Variants in ASPHD2 observed in about 807,000 individuals in gnomAD.
The protein encoded by ASPHD2 is aspartate beta-hydroxylase domain containing 2.
Under a neutral mutation model 34.6 loss-of-function variants are expected in ASPHD2, and 12 were observed. That is an observed-to-expected ratio of 0.35 (90% CI 0.22 to 0.56). The LOEUF (loss-of-function observed/expected upper bound fraction) is 0.56, where lower values mean the gene tolerates loss of function less well. Ranked by LOEUF, ASPHD2 falls within the 20% of genes least tolerant of loss-of-function variation. ASPHD2 has a pLI of 0.87. For synonymous variants in ASPHD2, 224 were observed against 212.2 expected (o/e 1.06, Z -0.48); for missense variants, 375 against 505.0 (o/e 0.74, Z 2.47).
At chr22:26,441,518 T>G (rs1601705667) in intron 2 of ASPHD2, among the ~76,000 whole-genome samples, 1 of 142,272 alleles carries the variant, frequency 7.0e-6, no homozygotes, top group South Asian at 2.3e-4. Context: ...GGCCAGGTGC[T>G]GTGGCTCATG....
In ASPHD2 at chr22:26,442,324, A is replaced by G. The variant is rs1421325794; in HGVS notation, c.887-135A>G. ...AGCCCACAAGCCTTCAGACCATAGC[A>G]CGGGCTCCAGAGGTGTGAGGCAGGT... is the stretch of plus-strand genomic sequence containing the variant. On this transcript the variant is annotated intron_variant, in intron 2 of 3. Coordinates refer to ENST00000215906, the MANE Select transcript of ASPHD2 (RefSeq NM_020437.5). 4.7e-6 allele frequency: 3 copies of G among 644,090 alleles called. No individual in the cohort carries two copies. In the African/African-American group the frequency reaches 5.5e-5, roughly 12 times the overall value. The allele number at this position is 644,090 out of a possible 1,614,324, so 39.9% of individuals were successfully genotyped here.
chr22:26,438,526 CATACATATAT>C (rs2084810701), intron 2 of ASPHD2, among the ~76,000 whole-genome samples: 1 of 145,526 alleles, frequency 6.9e-6, no homozygotes, highest in South Asian at 2.2e-4. Context: ...CATATATATA[CATACATATAT>C]ACACATACAT....
At position 26,432,323 on chromosome 22, in the gene ASPHD2, C is replaced by T. The variant is rs73419327; in HGVS notation, c.-224-1069C>T. 4.7e-3 allele frequency among the ~76,000 whole-genome samples: 711 copies of T among 152,312 alleles called. 3 individuals carry two copies. Among genetic ancestry groups the T allele is most frequent in the African/African-American group, 0.017 (686 of 41,560 alleles). On this transcript the variant is annotated intron_variant, in intron 1 of 3. Transcript: ENST00000215906. ...AAGAATTTTCAGGCCAAATTTCAGT[C>T]CCTGGGTAAAGGGAGGGTACAACTT...
Position 26,434,091 on chromosome 22 carries a change from G to C in ASPHD2, c.476G>C (p.Arg159Pro). ...IREQGRYLNS[R>P]PSIQKPEVFF... ...GAGCAGGGCCGGTACCTCAACAGCC[G>C]GCCCTCCATCCAGAAGCCCGAGGTC... Residue 159 changes from arginine to proline, a missense_variant, in exon 2 of 4, where the codon CGG (arginine) becomes CCG (proline). Arg to Pro is a moderately radical substitution (Grantham distance 103). Transcript: ENST00000215906. 2.5e-6 allele frequency: 4 copies of C among 1,612,980 alleles called. No individual in the cohort carries two copies. The highest frequency in any genetic ancestry group is 3.4e-6 in the Non-Finnish European group (4 of 1,179,726).
At chr22:26,438,496 C>CACACACATATATAT (rs2084808690) in intron 2 of ASPHD2, among the ~76,000 whole-genome samples, 5 of 88,390 alleles carry the variant, frequency 5.7e-5, no homozygotes, top group South Asian at 3.4e-4. Flanking sequence ...TATAGATACA[C>CACACACATATATAT]ACATACATAT....
At position 26,442,105 on chromosome 22, in the gene ASPHD2, CAAA is replaced by C. The variant is rs61233112; in HGVS notation, c.887-337_887-335del. Among the ~76,000 whole-genome samples the C allele has an allele frequency of 6.1e-3, 596 of 98,144 alleles. 1 individual carries two copies. The highest frequency in any genetic ancestry group is 0.018 in the African/African-American group (469 of 26,718). The allele number at this position is 98,144 out of a possible 152,430, so 64.4% of individuals were successfully genotyped here. ...TGGGCAACAGAGAGAGACTCCATTT[CAAA>C]AAAAAAAAAAAAAAAAGGGAAAAGA... On this transcript the variant is annotated intron_variant, in intron 2 of 3. Coordinates refer to ENST00000215906, the MANE Select transcript of ASPHD2 (RefSeq NM_020437.5).
rs199744022 is a variant in ASPHD2, at chr22:26,434,421, C to T, written c.806C>T (p.Ala269Val). The T allele has an allele frequency of 2.5e-6, 4 of 1,614,114 alleles. No individual in the cohort carries two copies. In the South Asian group the frequency reaches 4.4e-5, roughly 18 times the overall value. The part of the protein sequence containing the change: ...TCIGNNVFGN[A>V]CISVLSPGTV... ...ATTGGGAACAATGTTTTTGGGAACG[C>T]GTGCATCTCTGTGCTGAGCCCTGGG... is the stretch of plus-strand genomic sequence containing the variant. Residue 269 changes from alanine to valine, a missense_variant, in exon 2 of 4, where the codon GCG (alanine) becomes GTG (valine). Ala to Val is a moderately conservative substitution (Grantham distance 64, BLOSUM62 0). Transcript: ENST00000215906.
At chr22:26,434,790 CAT>C (rs1292713124) in intron 2 of ASPHD2, among the ~76,000 whole-genome samples, 7 of 152,218 alleles carry the variant, frequency 4.6e-5, no homozygotes, top group South Asian at 2.1e-4. Flanking sequence ...CCACTAGACA[CAT>C]GTGACTAATT....
chr22:26,441,860 T>C (rs192022451), intron 2 of ASPHD2, among the ~76,000 whole-genome samples: 113 of 151,930 alleles, frequency 7.4e-4, no homozygotes, highest in African/African-American at 2.4e-3. Context: ...GTGGCAGAGG[T>C]TCCAGTGAGC....
intron 2 of ASPHD2, among the ~76,000 whole-genome samples, chr22:26,439,112 A>C (rs558900652): frequency 4.7e-4 from 72 of 152,268 alleles, no homozygotes; most frequent in African/African-American, 1.4e-3. Flanking sequence ...GAAAATCAGC[A>C]ATCAGGCCAG....
intron 2 of ASPHD2, among the ~76,000 whole-genome samples, chr22:26,435,856 T>G (rs1437465335): frequency 6.6e-6 from 1 of 152,174 alleles, no homozygotes; most frequent in African/African-American, 2.4e-5. Flanking sequence ...CCTGAATTCC[T>G]GGTCAGCAGT....
chr22:26,440,953 C>T (rs1211068717), intron 2 of ASPHD2, among the ~76,000 whole-genome samples: 1 of 152,200 alleles, frequency 6.6e-6, no homozygotes, highest in Non-Finnish European at 1.5e-5. Context: ...AAATGTCAGT[C>T]TGTGACTTTC....
In ASPHD2 at chr22:26,443,374, T is replaced by C; in HGVS notation, c.*168T>C. 1.7e-6 allele frequency: 1 copy of C among 592,708 alleles called. No individual in the cohort carries two copies. Among genetic ancestry groups the C allele is most frequent in the Non-Finnish European group, 3.0e-6 (1 of 337,984 alleles). 36.7% of individuals were successfully genotyped at this position (592,708 alleles called of 1,614,324 possible). ...GTCGGGTCCCTCTTTCCCTTGGTTA[T>C]TGTAAATGGAAACTTTTCGGCTTGT... On this transcript the variant is annotated 3_prime_UTR_variant, in exon 4 of 4. Transcript: ENST00000215906.
At chr22:26,437,562 C>T (rs1433129858) in intron 2 of ASPHD2, among the ~76,000 whole-genome samples, 2 of 152,232 alleles carry the variant, frequency 1.3e-5, no homozygotes, top group Admixed American at 6.5e-5. Flanking sequence ...ACCTCTGAAA[C>T]TCACCAGGCA....
chr22:26,438,642 T>TACAC (rs1197758267), intron 2 of ASPHD2, among the ~76,000 whole-genome samples: 4 of 40,498 alleles, frequency 9.9e-5, no homozygotes, highest in Non-Finnish European at 2.5e-4. Context: ...TACATATATA[T>TACAC]ATACACATAC....
At chr22:26,435,995 C>T (rs2084790114) in intron 2 of ASPHD2, among the ~76,000 whole-genome samples, 1 of 152,206 alleles carries the variant, frequency 6.6e-6, no homozygotes, top group Non-Finnish European at 1.5e-5. Context: ...TACATGGCCC[C>T]TTGGCAGGAT....
intron 2 of ASPHD2, among the ~76,000 whole-genome samples, chr22:26,438,636 T>TATATATACACAC (rs1568984120): frequency 1.0e-4 from 5 of 49,332 alleles, no homozygotes; most frequent in African/African-American, 2.3e-4. Context: ...TATATATACA[T>TATATATACACAC]ATATATATAC....
Position 26,433,372 on chromosome 22 carries a change from A to ATTTT in ASPHD2, c.-224-13_-224-10dup. 2.3e-6 allele frequency: 1 copy of ATTTT among 428,990 alleles called. No homozygotes were observed. The highest frequency in any genetic ancestry group is 3.6e-5 in the South Asian group (1 of 28,082). 26.6% of individuals were successfully genotyped at this position (428,990 alleles called of 1,614,324 possible). A position where few individuals can be genotyped will look rare whatever the true frequency, so the allele number is the denominator to read the frequency against. On this transcript the variant is annotated intron_variant, in intron 1 of 3. Transcript: ENST00000215906. This position sits in a 1 kb window ranked among gnomAD's most constrained non-coding sequence, Gnocchi z 5.1. ...TTTTCCAGGTGTAAAATTTATGCTG[A>ATTTT]TTTTTTTTTTCCATCCCAGGTTTGG...
At position 26,433,849 on chromosome 22, in the gene ASPHD2, G is replaced by A. The variant is rs766825205; in HGVS notation, c.234G>A (p.Val78=). Reference sequence around the variant, plus strand: ...TCTTCGTGTGGTACTGTTATCACGTGGGCAGGGAGCAGCCCCGGCCCTACG... The same window carrying A: ...TCTTCGTGTGGTACTGTTATCACGTAGGCAGGGAGCAGCCCCGGCCCTACG... ...LVLFVWYCYH[V]GREQPRPYVS... The change falls in exon 2 of 4, where the codon GTG becomes GTA. Residue 78 remains valine, a synonymous_variant. Coordinates refer to ENST00000215906, the MANE Select transcript of ASPHD2 (RefSeq NM_020437.5). The surrounding 1 kb of genome is among the most constrained non-coding windows in gnomAD (Gnocchi z 5.1). The A allele has an allele frequency of 2.5e-6, 4 of 1,613,778 alleles. No individual in the cohort carries two copies. In the East Asian group the frequency reaches 8.9e-5, roughly 36 times the overall value.
Sources: allele counts gnomAD v4.1 joint callset (sites outside exome capture counted in the v4.1 genomes callset), GRCh38; gene constraint gnomAD v4.1.1; non-coding constraint Gnocchi (gnomAD v3.1); transcripts MANE v1.5; gene names NCBI Gene and HGNC (gene_info 2026-07-23, HGNC 2026-07-21).